Variants in CCDC148 observed in about 807,000 individuals in gnomAD.
CCDC148 encodes coiled-coil domain containing 148.
In CCDC148, 89 loss-of-function variants were observed where a neutral mutation model predicts 85.7. The observed-to-expected ratio is 1.04, with a 90% CI of 0.87 to 1.24. CCDC148 has a LOEUF of 1.24. Among genes scored for constraint, CCDC148 ranks in the 50% most tolerant of loss-of-function variants. The pLI, the probability that CCDC148 is intolerant of heterozygous loss-of-function variation, is 0.00. For missense variants in CCDC148, 692 were observed against 671.7 expected (o/e 1.03, Z -0.33); for synonymous variants, 230 against 213.9 (o/e 1.08, Z -0.66).
chr2:158,285,394 C>T lies in CCDC148; in HGVS notation c.1110+24039G>A, dbSNP rs565904799. Among the ~76,000 whole-genome samples the T allele has an allele frequency of 3.3e-5, 5 of 150,730 alleles. No homozygotes were observed. The South Asian group carries it at 1.0e-3, about 32-fold the overall frequency. ...TTAGAAGAAACTCTCCAGAATAAAGCATAGCATATGAAATAGGAAATAGAA... is the reference window on the plus strand; with the variant it reads ...TTAGAAGAAACTCTCCAGAATAAAGTATAGCATATGAAATAGGAAATAGAA... On this transcript the variant is annotated intron_variant, in intron 9 of 13. Coordinates refer to ENST00000283233, the MANE Select transcript of CCDC148 (RefSeq NM_138803.4).
chr2:158,280,978 C>A (rs1204820068), intron 9 of CCDC148, among the ~76,000 whole-genome samples: 1 of 152,178 alleles, frequency 6.6e-6, no homozygotes, highest in Non-Finnish European at 1.5e-5. Flanking sequence ...GGAACTCACT[C>A]AAAACTGCTC....
rs4263072 is a variant in CCDC148 at position 158,298,273 on chromosome 2, C to T, written c.1110+11160G>A. Among the ~76,000 whole-genome samples, 1,227 of 152,168 alleles carry T rather than the reference C, an allele frequency of 8.1e-3. 10 individuals carry two copies. The highest frequency in any genetic ancestry group is 0.027 in the African/African-American group (1,136 of 41,512). Reference sequence around the variant, plus strand: ...GATGAGATTTGGGTAGGGATACAGCCAAACCGTATCACCATTGTTTTCAGG... The same window carrying T: ...GATGAGATTTGGGTAGGGATACAGCTAAACCGTATCACCATTGTTTTCAGG... On this transcript the variant is annotated intron_variant, in intron 9 of 13. Coordinates refer to ENST00000283233, the MANE Select transcript of CCDC148 (RefSeq NM_138803.4).
rs561224362 is a variant in CCDC148, at chr2:158,258,490, T to C, written c.1111-7578A>G. Among the ~76,000 whole-genome samples the C allele has an allele frequency of 3.3e-5, 5 of 151,986 alleles. No individual in the cohort carries two copies. In the East Asian group the frequency reaches 9.7e-4, roughly 29 times the overall value. ...CTATTAAAGGTGTCCCTGGGCACAC[T>C]GTTTAACCACTTAGAACCTCAGGTA... On this transcript the variant is annotated intron_variant, in intron 9 of 13. Transcript: ENST00000283233.
chr2:158,367,594 T>C (rs985132849), intron 1 of CCDC148, among the ~76,000 whole-genome samples: 1 of 152,188 alleles, frequency 6.6e-6, no homozygotes, highest in African/African-American at 2.4e-5. Flanking sequence ...AGCCATAAAA[T>C]GTTTCTCACC....
At position 158,171,127 on chromosome 2, in the gene CCDC148, A is replaced by G. The variant is rs1684310466; in HGVS notation, c.*986T>C. Reference sequence around the variant, plus strand: ...TGTACTTGTATTTTTTATTTCCATGATGTTGGGGACAATCATAAAGTCAAA... The same window carrying G: ...TGTACTTGTATTTTTTATTTCCATGGTGTTGGGGACAATCATAAAGTCAAA... On this transcript the variant is annotated 3_prime_UTR_variant, in exon 14 of 14. Transcript: ENST00000283233. 1.3e-5 allele frequency: 2 copies of G among 151,556 alleles called. No individual in the cohort carries two copies. Among genetic ancestry groups the G allele is most frequent in the South Asian group, 4.1e-4 (2 of 4,824 alleles). 9.4% of individuals were successfully genotyped at this position (151,556 alleles called of 1,614,324 possible). A position where few individuals can be genotyped will look rare whatever the true frequency, so the allele number is the denominator to read the frequency against.
At chr2:158,223,789 GAA>G (rs1687334787) in intron 10 of CCDC148, among the ~76,000 whole-genome samples, 1 of 152,118 alleles carries the variant, frequency 6.6e-6, no homozygotes, top group Non-Finnish European at 1.5e-5. Context: ...CTAACAAACA[GAA>G]AAGACATCCA....
chr2:158,179,166 A>ATTTTTTTTTTTTT lies in CCDC148; in HGVS notation c.1371-183_1371-171dup, dbSNP rs10699879. On this transcript the variant is annotated intron_variant, in intron 11 of 13. Transcript: ENST00000283233. ...ATAAAAGACACTCATATAAAATGCA[A>ATTTTTTTTTTTTT]TTTTTTTTTTTTTTTTTTTTTTTGA... Among the ~76,000 whole-genome samples, 151 of 82,804 alleles carry ATTTTTTTTTTTTT rather than the reference A, an allele frequency of 1.8e-3. 21 individuals are homozygous for ATTTTTTTTTTTTT. Among genetic ancestry groups the ATTTTTTTTTTTTT allele is most frequent in the Middle Eastern group, 0.01 (1 of 96 alleles). 54.3% of individuals were successfully genotyped at this position (82,804 alleles called of 152,430 possible). A position where few individuals can be genotyped will look rare whatever the true frequency, so the allele number is the denominator to read the frequency against.
intron 2 of CCDC148, among the ~76,000 whole-genome samples, chr2:158,350,868 G>A (rs1157604474): frequency 6.6e-6 from 1 of 152,146 alleles, no homozygotes; most frequent in African/African-American, 2.4e-5. Flanking sequence ...CCATCGTCGT[G>A]TGCATTTATC....
chr2:158,232,772 T>C (rs914478313), intron 10 of CCDC148, among the ~76,000 whole-genome samples: 3 of 152,010 alleles, frequency 2.0e-5, no homozygotes, highest in Admixed American at 6.6e-5. Flanking sequence ...ATAAAGCACA[T>C]TTTTATTCCA....
chr2:158,331,171 C>G lies in CCDC148; in HGVS notation c.764+7555G>C, dbSNP rs540711606. 5.3e-5 allele frequency among the ~76,000 whole-genome samples: 8 copies of G among 152,300 alleles called. No homozygotes were observed. In the South Asian group the frequency reaches 1.4e-3, roughly 28 times the overall value. Reference sequence around the variant, plus strand: ...AGTGCTATAAATTTTCCTCTACACACTGCTTTGAATGTGTCCCAGAGATTC... The same window carrying G: ...AGTGCTATAAATTTTCCTCTACACAGTGCTTTGAATGTGTCCCAGAGATTC... On this transcript the variant is annotated intron_variant, in intron 7 of 13. Coordinates refer to ENST00000283233, the MANE Select transcript of CCDC148 (RefSeq NM_138803.4).
chr2:158,201,127 G>A (rs1211001417), intron 11 of CCDC148, among the ~76,000 whole-genome samples: 1 of 151,956 alleles, frequency 6.6e-6, no homozygotes, highest in Non-Finnish European at 1.5e-5. Flanking sequence ...TTTCTAGAGA[G>A]AGAAAAATTT....
intron 1 of CCDC148, among the ~76,000 whole-genome samples, chr2:158,420,560 C>A (rs1283551672): frequency 6.6e-6 from 1 of 152,102 alleles, no homozygotes. Flanking sequence ...CACCACCAGG[C>A]CTGCCTTACA....
intron 2 of CCDC148, among the ~76,000 whole-genome samples, chr2:158,353,145 A>G (rs1273650861): frequency 6.8e-6 from 1 of 147,760 alleles, no homozygotes; most frequent in African/African-American, 2.6e-5. Context: ...AAGACCATCG[A>G]GACTAGGAAG....
rs1317593600 is a variant in CCDC148 at position 158,361,429 on chromosome 2, G to T, written c.26-2859C>A. 3.3e-5 allele frequency among the ~76,000 whole-genome samples: 5 copies of T among 152,276 alleles called. No homozygotes were observed. In the East Asian group the frequency reaches 9.6e-4, roughly 29 times the overall value. ...AATGTTAAGGGCAGTCAGAGAGAAA[G>T]GTTGGTTACCCACAAAGGGAAGCCC... On this transcript the variant is annotated intron_variant, in intron 1 of 13. Transcript: ENST00000283233.
chr2:158,270,754 A>G (rs1157559020), intron 9 of CCDC148, among the ~76,000 whole-genome samples: 1 of 152,210 alleles, frequency 6.6e-6, no homozygotes, highest in Non-Finnish European at 1.5e-5. Flanking sequence ...TGGCACATGC[A>G]TATTACATAT....
chr2:158,263,378 T>C (rs1689316489), intron 9 of CCDC148, among the ~76,000 whole-genome samples: 1 of 152,034 alleles, frequency 6.6e-6, no homozygotes, highest in Non-Finnish European at 1.5e-5. Context: ...ATTAAATATA[T>C]TTAATAATAC....
intron 1 of CCDC148, among the ~76,000 whole-genome samples, chr2:158,405,416 G>A (rs1257496990): frequency 1.3e-5 from 2 of 152,108 alleles, no homozygotes; most frequent in African/African-American, 2.4e-5. Flanking sequence ...GTGGCAATAT[G>A]TGACATTCAA....
chr2:158,381,210 C>T (rs1684856059), intron 1 of CCDC148, among the ~76,000 whole-genome samples: 1 of 152,068 alleles, frequency 6.6e-6, no homozygotes, highest in African/African-American at 2.4e-5. Context: ...CCATATATCT[C>T]TTCAAAATAT....
intron 1 of CCDC148, among the ~76,000 whole-genome samples, chr2:158,416,642 A>G (rs1343763806): frequency 6.6e-6 from 1 of 152,160 alleles, no homozygotes; most frequent in African/African-American, 2.4e-5. Flanking sequence ...CCATATTACT[A>G]TCAGCATTTT....
Sources: allele counts gnomAD v4.1 joint callset (sites outside exome capture counted in the v4.1 genomes callset), GRCh38; gene constraint gnomAD v4.1.1; transcripts MANE v1.5; gene names NCBI Gene and HGNC (gene_info 2026-07-23, HGNC 2026-07-21).